TTC8: variants seen among roughly 807,000 people sequenced by gnomAD.
The protein encoded by TTC8 is tetratricopeptide repeat domain 8, also known as tetratricopeptide repeat protein 8.
TTC8 carries 47 observed loss-of-function variants against 72.5 expected under a neutral mutation model. That is an observed-to-expected ratio of 0.65 (90% CI 0.51 to 0.83). The LOEUF (loss-of-function observed/expected upper bound fraction) is 0.83, where lower values mean the gene tolerates loss of function less well. TTC8 is among the 40% of genes least tolerant of loss of function. The probability of loss-of-function intolerance (pLI) is 0.00; values close to 1 mark genes in which losing one functional copy is unlikely to be tolerated. For synonymous variants in TTC8, 199 were observed against 221.4 expected, an observed-to-expected ratio of 0.90 and a Z score of 0.90; for missense variants, 611 against 623.2, an observed-to-expected ratio of 0.98 and a Z score of 0.21.
At chr14:88,864,835 C>A (rs17773901) in intron 10 of TTC8, among the ~76,000 whole-genome samples, 1 of 152,304 alleles carries the variant, frequency 6.6e-6, no homozygotes, top group Middle Eastern at 3.4e-3. Context: ...CTTCATGTGA[C>A]AATAGATGTC....
At chr14:88,852,068 T>C (rs966458228) in intron 7 of TTC8, among the ~76,000 whole-genome samples, 1 of 152,130 alleles carries the variant, frequency 6.6e-6, no homozygotes, top group African/African-American at 2.4e-5. Context: ...GGCTAAAGAA[T>C]AAAAAACTTT....
At chr14:88,830,749 C>T in intron 1 of TTC8, 1 of 427,034 alleles carries the variant, frequency 2.3e-6, no homozygotes, top group South Asian at 1.7e-5. Flanking sequence ...AGTGAAGCTG[C>T]ACGGGTGGAT....
Position 88,826,220 on chromosome 14 carries a change from C to T in TTC8, c.114+1399C>T, listed in dbSNP as rs190345589. On this transcript the variant is annotated intron_variant, in intron 1 of 14. Coordinates refer to ENST00000380656, the MANE Select transcript of TTC8 (RefSeq NM_144596.4). ...AGCCAGGGTGGTCTCGAACTCCTGA[C>T]CTCGTGATCCGTCTGCCTCGGCCTC... Among the ~76,000 whole-genome samples, 369 of 151,666 alleles carry T rather than the reference C, an allele frequency of 2.4e-3. 2 individuals carry two copies. Among genetic ancestry groups the T allele is most frequent in the South Asian group, 0.011 (55 of 4,794 alleles).
In TTC8 at chr14:88,840,913, C is replaced by T. The variant is rs1214234303; in HGVS notation, c.314C>T (p.Pro105Leu). 6.2e-7 allele frequency: 1 copy of T among 1,614,008 alleles called. No individual in the cohort carries two copies. The highest frequency in any genetic ancestry group is 1.3e-5 in the African/African-American group (1 of 74,918). Residue 105 changes from proline (P) to leucine (L), a missense_variant, in exon 4 of 15, where the codon CCT (proline) becomes CTT (leucine). Physicochemically the swap from Pro to Leu is moderately conservative, Grantham distance 98. Transcript: ENST00000380656. ...CCTGGAACTAATCAGACAGGAGGGC[C>T]TAGCCAGGCCGTTAGGTATGTACTT... ...KLPGTNQTGG[P>L]SQAVRPITQA...
At chr14:88,830,985 T>C (rs2094723143) in intron 1 of TTC8, 2 of 449,208 alleles carry the variant, frequency 4.5e-6, no homozygotes, top group Admixed American at 4.9e-5. Flanking sequence ...AGCAGAGTCC[T>C]GCTCTGGGCC....
At chr14:88,837,348 C>T (rs1313964986) in intron 2 of TTC8, among the ~76,000 whole-genome samples, 1 of 152,162 alleles carries the variant, frequency 6.6e-6, no homozygotes, top group Non-Finnish European at 1.5e-5. Flanking sequence ...ACCCTTCCTT[C>T]CACTCCCAGG....
chr14:88,869,936 G>A, intron 10 of TTC8, 123 bp from the exon 11 acceptor site: 1 of 977,060 alleles, frequency 1.0e-6, no homozygotes, highest in Non-Finnish European at 1.6e-6. Context: ...CTAGAATGGA[G>A]TCTGGCACAT....
At chr14:88,862,919 T>A (rs984558916) in intron 10 of TTC8, among the ~76,000 whole-genome samples, 1 of 151,906 alleles carries the variant, frequency 6.6e-6, no homozygotes, top group African/African-American at 2.4e-5. Flanking sequence ...ATTCATGATA[T>A]CAGGTTGGGC....
chr14:88,851,200 G>T (rs553074353), intron 7 of TTC8, among the ~76,000 whole-genome samples: 2 of 152,250 alleles, frequency 1.3e-5, no homozygotes, highest in South Asian at 2.1e-4. Flanking sequence ...GGTTTGTGGG[G>T]TCTGCTTAGA....
intron 8 of TTC8, among the ~76,000 whole-genome samples, chr14:88,856,427 G>A (rs1017094284): frequency 2.6e-5 from 4 of 152,142 alleles, no homozygotes; most frequent in African/African-American, 7.2e-5. Flanking sequence ...AAACATTATC[G>A]TATCTGAGTA....
At chr14:88,844,905 T>TA (rs557342259) in intron 7 of TTC8, among the ~76,000 whole-genome samples, 1 of 152,030 alleles carries the variant, frequency 6.6e-6, no homozygotes, top group Admixed American at 6.6e-5. Flanking sequence ...GGAGAACTAA[T>TA]AAAAAATATG....
intron 8 of TTC8, among the ~76,000 whole-genome samples, chr14:88,854,407 T>G (rs895529899): frequency 2.6e-5 from 4 of 152,198 alleles, no homozygotes; most frequent in African/African-American, 7.2e-5. Context: ...AAATATTTAA[T>G]GGGCAGCTAC....
intron 8 of TTC8, among the ~76,000 whole-genome samples, chr14:88,855,808 C>T (rs1275768870): frequency 1.3e-5 from 2 of 152,098 alleles, no homozygotes; most frequent in Non-Finnish European, 2.9e-5. Flanking sequence ...TGGCCAGGTG[C>T]GGTGGCTCAT....
At chr14:88,850,332 G>A (rs1383377877) in intron 7 of TTC8, among the ~76,000 whole-genome samples, 1 of 152,150 alleles carries the variant, frequency 6.6e-6, no homozygotes, top group Non-Finnish European at 1.5e-5. Flanking sequence ...CAATATTCCA[G>A]AACAACAGCA....
chr14:88,840,803 G>T lies in TTC8; in HGVS notation c.266-62G>T, dbSNP rs1384006381. On this transcript the variant is annotated intron_variant, in intron 3 of 14. Transcript: ENST00000380656. ...CAGCGCAATTCTGAAAATTGTATTA[G>T]CTTACAGTTTTTACAGATTAATAGA... 4 of 1,530,252 alleles carry T rather than the reference G, an allele frequency of 2.6e-6. No individual in the cohort carries two copies. The East Asian group carries it at 9.4e-5, about 36-fold the overall frequency. 94.8% of individuals were successfully genotyped at this position (1,530,252 alleles called of 1,614,324 possible).
chr14:88,881,017 G>A (rs994995706), downstream of TTC8: 28 of 151,918 alleles, frequency 1.8e-4, no homozygotes, highest in African/African-American at 6.8e-4. Context: ...TTCACTGTTG[G>A]GCATATATAT....
chr14:88,848,422 G>C (rs1361144011), intron 7 of TTC8, among the ~76,000 whole-genome samples: 7 of 152,128 alleles, frequency 4.6e-5, no homozygotes, highest in African/African-American at 1.7e-4. Context: ...ATATAGAGCA[G>C]ATAGCCTTAA....
At chr14:88,850,959 T>G (rs978318733) in intron 7 of TTC8, among the ~76,000 whole-genome samples, 5 of 152,170 alleles carry the variant, frequency 3.3e-5, no homozygotes, top group African/African-American at 1.2e-4. Flanking sequence ...GCCTGAAAAT[T>G]CTGTACATCT....
chr14:88,837,934 C>T (rs1460050329), intron 2 of TTC8, among the ~76,000 whole-genome samples: 1 of 151,782 alleles, frequency 6.6e-6, no homozygotes, highest in East Asian at 1.9e-4. Context: ...ATATTCTACT[C>T]ATCTAATTGT....
Sources: allele counts gnomAD v4.1 joint callset (sites outside exome capture counted in the v4.1 genomes callset), GRCh38; gene constraint gnomAD v4.1.1; transcripts MANE v1.5; gene names NCBI Gene and HGNC (gene_info 2026-07-23, HGNC 2026-07-21).